ARID1B: variants seen among roughly 807,000 people sequenced by gnomAD.
ARID1B encodes AT-rich interactive domain-containing protein 1B.
Under a neutral mutation model 212.3 loss-of-function variants are expected in ARID1B, and 30 were observed. That is an observed-to-expected ratio of 0.14 (90% CI 0.11 to 0.19). ARID1B has a LOEUF of 0.19. Among genes scored for constraint, ARID1B ranks in the 10% least tolerant of loss-of-function variants. ARID1B has a pLI of 1.00. For missense variants in ARID1B, 2,891 were observed against 3,204.0 expected (o/e 0.90, Z 2.36); for synonymous variants, 1,402 against 1,301.7 (o/e 1.08, Z -1.66).
chr6:157,050,185 A>G (rs537854414), intron 4 of ARID1B, among the ~76,000 whole-genome samples: 2 of 152,264 alleles, frequency 1.3e-5, no homozygotes, highest in South Asian at 2.1e-4. Context: ...CACTTTGTAT[A>G]TCATCAATGA....
At position 156,818,244 on chromosome 6, in the gene ARID1B, A is replaced by C. The variant is rs1782114372; in HGVS notation, c.1792-10983A>C. Among the ~76,000 whole-genome samples the C allele has an allele frequency of 3.9e-5, 6 of 151,922 alleles. No homozygotes were observed. The South Asian group carries it at 1.2e-3, about 31-fold the overall frequency. ...TACAGCTCTGACAAATTAGATATCT[A>C]ATAGGGTCATATCTCTGAAAAGCAT... is the stretch of plus-strand genomic sequence containing the variant. On this transcript the variant is annotated intron_variant, in intron 1 of 19. Coordinates refer to ENST00000636930, the MANE Select transcript of ARID1B (RefSeq NM_001374828.1).
Position 157,175,003 on chromosome 6 carries a change from C to T in ARID1B, c.3502C>T (p.Pro1168Ser). Residue 1168 changes from proline to serine, a missense_variant and splice_region_variant, in exon 11 of 20, where the codon CCT becomes TCT. Coordinates refer to ENST00000636930, the MANE Select transcript of ARID1B (RefSeq NM_001374828.1). ...SPGWPKTPSSPKSSSSTTTGE... is the reference protein window; with the variant it reads ...SPGWPKTPSSSKSSSSTTTGE... ...AGGCTGGCCAAAGACTCCATCAAGC[C>T]CTGTAAGTGGCTCTGGTTTTTTTTT... The T allele has an allele frequency of 7.2e-7, 1 of 1,392,754 alleles. No homozygotes were observed. Among genetic ancestry groups the T allele is most frequent in the Non-Finnish European group, 9.4e-7 (1 of 1,066,460 alleles). 86.3% of individuals were successfully genotyped at this position (1,392,754 alleles called of 1,614,324 possible).
At chr6:156,852,519 T>C (rs905050797) in intron 2 of ARID1B, among the ~76,000 whole-genome samples, 104 of 152,100 alleles carry the variant, frequency 6.8e-4, no homozygotes, top group African/African-American at 2.5e-3. Flanking sequence ...AGTGTTTTCA[T>C]TGACTTACTC....
intron 4 of ARID1B, chr6:156,938,093 G>C (rs1365945751): frequency 6.6e-6 from 1 of 151,194 alleles, no homozygotes; most frequent in Non-Finnish European, 1.5e-5. Flanking sequence ...AAATTTGGCT[G>C]TAGTTAAATG....
At chr6:157,149,733 A>T (rs1231306823) in intron 8 of ARID1B, 1 of 152,246 alleles carries the variant, frequency 6.6e-6, no homozygotes, top group Non-Finnish European at 1.5e-5. Context: ...ACTTTGAAAG[A>T]TGTGTATCTT....
intron 2 of ARID1B, among the ~76,000 whole-genome samples, chr6:156,867,442 G>A (rs368035589): frequency 1.6e-4 from 25 of 152,302 alleles, no homozygotes; most frequent in African/African-American, 5.1e-4. Context: ...CACAAATAAT[G>A]TGAGAGGCAT....
chr6:156,912,975 G>C (rs17087890), intron 3 of ARID1B, among the ~76,000 whole-genome samples: 2,160 of 150,534 alleles, frequency 0.014, 51 homozygotes, highest in African/African-American at 0.049. Flanking sequence ...ACTCTGTCTA[G>C]GCTTTTATTT....
intron 1 of ARID1B, among the ~76,000 whole-genome samples, chr6:156,824,556 G>A (rs951041890): frequency 6.6e-6 from 1 of 152,152 alleles, no homozygotes; most frequent in African/African-American, 2.4e-5. Context: ...CTTGAGGTCA[G>A]GAGTTCGAGA....
intron 8 of ARID1B, among the ~76,000 whole-genome samples, chr6:157,165,136 T>C (rs575165764): frequency 6.6e-6 from 1 of 152,328 alleles, no homozygotes; most frequent in South Asian, 2.1e-4. Flanking sequence ...GGGATGTGTT[T>C]ATAGCTACTG....
intron 3 of ARID1B, among the ~76,000 whole-genome samples, chr6:156,934,359 T>C (rs1720934609): frequency 6.6e-6 from 1 of 152,120 alleles, no homozygotes; most frequent in South Asian, 2.1e-4. Context: ...TGGTGTGGTA[T>C]TTGGGTTATA....
At chr6:157,096,451 T>A (rs1036399155) in intron 5 of ARID1B, among the ~76,000 whole-genome samples, 6 of 150,956 alleles carry the variant, frequency 4.0e-5, no homozygotes, top group African/African-American at 1.5e-4. Flanking sequence ...TCTTTTCCCC[T>A]CCCTCCTGAA....
At chr6:156,974,639 T>C in intron 4 of ARID1B, among the ~76,000 whole-genome samples, 1 of 152,214 alleles carries the variant, frequency 6.6e-6, no homozygotes, top group South Asian at 2.1e-4. Flanking sequence ...AGAAAAATCT[T>C]TACTTTTTCT....
Position 157,208,114 on chromosome 6 carries a change from T to C in ARID1B, c.*223T>C, listed in dbSNP as rs2128400064. The stretch of plus-strand genomic sequence containing the variant: ...GTATAAGTACATCCTTTGGGGTTTT[T>C]TTTTTCTCTTTTTTTTAACCAAAGT... On this transcript the variant is annotated 3_prime_UTR_variant, in exon 20 of 20. Coordinates refer to ENST00000636930, the MANE Select transcript of ARID1B (RefSeq NM_001374828.1). 2.2e-6 allele frequency: 1 copy of C among 456,612 alleles called. No homozygotes were observed. The highest frequency in any genetic ancestry group is 4.3e-5 in the Admixed American group (1 of 23,078). The allele number at this position is 456,612 out of a possible 1,614,324, so 28.3% of individuals were successfully genotyped here.
chr6:156,932,160 T>C (rs887488939), intron 3 of ARID1B, among the ~76,000 whole-genome samples: 1 of 116,206 alleles, frequency 8.6e-6, no homozygotes, highest in Non-Finnish European at 1.7e-5. Flanking sequence ...GGGGGCGGGG[T>C]GAAGAAATAC....
intron 1 of ARID1B, among the ~76,000 whole-genome samples, chr6:156,828,062 CT>C (rs538099082): frequency 6.6e-4 from 82 of 123,734 alleles, no homozygotes; most frequent in Non-Finnish European, 6.1e-4. Context: ...TGCCCGGCCT[CT>C]TTTTTTTTTT....
chr6:156,795,758 C>T (rs767243845), intron 1 of ARID1B, among the ~76,000 whole-genome samples: 41 of 152,128 alleles, frequency 2.7e-4, no homozygotes, highest in Non-Finnish European at 4.7e-4. Context: ...TGCGCCCTTC[C>T]TTCTCTTCCT....
At chr6:157,004,908 T>TTTG (rs1779142526) in intron 4 of ARID1B, among the ~76,000 whole-genome samples, 4 of 112,700 alleles carry the variant, frequency 3.5e-5, no homozygotes, top group African/African-American at 4.1e-5. Flanking sequence ...TTTTTTTTTT[T>TTTG]TTTTTTTTTT....
intron 6 of ARID1B, among the ~76,000 whole-genome samples, chr6:157,127,782 T>TAA (rs1788232765): frequency 2.0e-5 from 1 of 50,990 alleles, no homozygotes; most frequent in African/African-American, 1.5e-4. Flanking sequence ...AGACTCTGTC[T>TAA]CAAAAAAAAA....
intron 1 of ARID1B, among the ~76,000 whole-genome samples, chr6:156,799,211 C>T (rs772346784): frequency 1.7e-4 from 22 of 127,096 alleles, no homozygotes; most frequent in Non-Finnish European, 3.8e-4. Context: ...CAAATAATTT[C>T]TAGGTGCCAA....
Sources: gnomAD v4.1 joint callset for allele counts (sites outside exome capture counted in the v4.1 genomes callset) on GRCh38, gnomAD v4.1.1 for gene constraint, MANE v1.5 for transcripts, NCBI Gene and HGNC (gene_info 2026-07-23, HGNC 2026-07-21) for gene names.